SDCCAG8: variants seen among roughly 807,000 people sequenced by gnomAD.
SDCCAG8 encodes the protein SHH signaling and ciliogenesis regulator SDCCAG8.
Under a neutral mutation model 101.8 loss-of-function variants are expected in SDCCAG8, and 74 were observed. The observed-to-expected ratio is 0.73, with a 90% CI of 0.60 to 0.88. The LOEUF (loss-of-function observed/expected upper bound fraction) is 0.88. Ranked by LOEUF, SDCCAG8 falls within the 40% of genes least tolerant of loss-of-function variation. The pLI, the probability that SDCCAG8 is intolerant of heterozygous loss-of-function variation, is 0.00. For synonymous variants in SDCCAG8, 281 were observed against 292.9 expected (o/e 0.96, Z 0.41); for missense variants, 787 against 822.6 (o/e 0.96, Z 0.53).
At chr1:243,268,544 A>G (rs2067819397) in intron 1 of SDCCAG8, among the ~76,000 whole-genome samples, 2 of 152,218 alleles carry the variant, frequency 1.3e-5, no homozygotes, top group Admixed American at 6.5e-5. Context: ...ATGGTGATAA[A>G]TTAACTGTGT....
intron 9 of SDCCAG8, among the ~76,000 whole-genome samples, chr1:243,318,230 A>C (rs2149333469): frequency 1.3e-5 from 2 of 152,362 alleles, no homozygotes; most frequent in Middle Eastern, 3.4e-3. Context: ...GGAGACAGTT[A>C]TCCTTAGCAA....
At chr1:243,401,576 C>T (rs1448083729) in intron 13 of SDCCAG8, among the ~76,000 whole-genome samples, 1 of 152,200 alleles carries the variant, frequency 6.6e-6, no homozygotes, top group Non-Finnish European at 1.5e-5. Flanking sequence ...TTTACATTCA[C>T]TTATTAGGAA....
chr1:243,458,327 C>T lies in SDCCAG8; in HGVS notation c.1986-30687C>T, dbSNP rs1469068756. On this transcript the variant is annotated intron_variant, in intron 16 of 17. Transcript: ENST00000366541. This position sits in a 1 kb window ranked among gnomAD's most constrained non-coding sequence, Gnocchi z 4.5. ...TGACAGCACCGAATGTTGTGTTAAG[C>T]TTCTTGCTACCATGTAAAAATTTCC... Among the ~76,000 whole-genome samples the T allele has an allele frequency of 6.6e-6, 1 of 152,062 alleles. No homozygotes were observed. The highest frequency in any genetic ancestry group is 2.4e-5 in the African/African-American group (1 of 41,392).
chr1:243,283,247 G>T (rs2069232533), intron 4 of SDCCAG8, among the ~76,000 whole-genome samples: 1 of 151,794 alleles, frequency 6.6e-6, no homozygotes, highest in Admixed American at 6.6e-5. Flanking sequence ...ATATTCCTCA[G>T]TGTATTTTTG....
intron 12 of SDCCAG8, among the ~76,000 whole-genome samples, chr1:243,378,230 A>G (rs2077716074): frequency 6.6e-6 from 1 of 150,946 alleles, no homozygotes; most frequent in Non-Finnish European, 1.5e-5. Flanking sequence ...TAATCATGCC[A>G]TTTTTTACAC....
Position 243,271,009 on chromosome 1 carries a change from A to T in SDCCAG8, c.252A>T (p.Gln84His). ...VNQLKDLLRQ[Q>H]ADKESEVSPS... ...AGCTCAAAGATTTGTTGCGCCAACA[A>T]GCAGATAAGGAAAGTGAAGTATCTC... Residue 84 changes from glutamine to histidine, a missense_variant, in exon 3 of 18, where the codon CAA becomes CAT. Coordinates refer to ENST00000366541, the MANE Select transcript of SDCCAG8 (RefSeq NM_006642.5). 1 of 1,613,742 alleles carries T rather than the reference A, an allele frequency of 6.2e-7. No individual in the cohort carries two copies. Among genetic ancestry groups the T allele is most frequent in the Non-Finnish European group, 8.5e-7 (1 of 1,179,752 alleles).
chr1:243,474,785 G>A lies in SDCCAG8; in HGVS notation c.1986-14229G>A, dbSNP rs1380400885. Among the ~76,000 whole-genome samples, 2 of 152,262 alleles carry A rather than the reference G, an allele frequency of 1.3e-5. No homozygotes were observed. The highest frequency in any genetic ancestry group is 2.9e-5 in the Non-Finnish European group (2 of 68,048). On this transcript the variant is annotated intron_variant, in intron 16 of 17. Transcript: ENST00000366541. The surrounding 1 kb of genome is among the most constrained non-coding windows in gnomAD (Gnocchi z 4.7). ...AGATGCGCTCCTCCTCGGACTGGTT[G>A]AGTAAGGGAGGAGGCTCGTCCTGAA...
At chr1:243,401,524 A>G (rs1202554936) in intron 13 of SDCCAG8, among the ~76,000 whole-genome samples, 1 of 152,244 alleles carries the variant, frequency 6.6e-6, no homozygotes, top group Admixed American at 6.5e-5. Flanking sequence ...CCATTTAAAA[A>G]TTATAGAAAC....
At chr1:243,283,398 T>C (rs1224043618) in intron 4 of SDCCAG8, among the ~76,000 whole-genome samples, 2 of 59,246 alleles carry the variant, frequency 3.4e-5, no homozygotes, top group Non-Finnish European at 1.1e-4. Flanking sequence ...TGTCCCTGTT[T>C]ATTTATATAT....
intron 16 of SDCCAG8, among the ~76,000 whole-genome samples, chr1:243,454,073 G>A (rs2083559183): frequency 6.6e-6 from 1 of 152,038 alleles, no homozygotes; most frequent in African/African-American, 2.4e-5. Context: ...ACCTAGCTCA[G>A]ATTTTTGCCT....
chr1:243,293,978 AGAATTTCT>A (rs2070535651), intron 6 of SDCCAG8, among the ~76,000 whole-genome samples: 2 of 152,102 alleles, frequency 1.3e-5, no homozygotes, highest in African/African-American at 4.8e-5. Flanking sequence ...TTTTAGCTCC[AGAATTTCT>A]GTTTGGTTCC....
At chr1:243,428,101 G>A (rs1219011513) in intron 16 of SDCCAG8, among the ~76,000 whole-genome samples, 1 of 152,206 alleles carries the variant, frequency 6.6e-6, no homozygotes, top group Non-Finnish European at 1.5e-5. Flanking sequence ...TTACATTTGT[G>A]TATTGCTTTA....
At chr1:243,443,075 A>G (rs765792924) in intron 16 of SDCCAG8, among the ~76,000 whole-genome samples, 155 of 152,338 alleles carry the variant, frequency 1.0e-3, no homozygotes, top group Non-Finnish European at 1.1e-3. Flanking sequence ...CATTAAACAA[A>G]TCTTTCATAT....
At chr1:243,356,181 C>T (rs922124041) in intron 12 of SDCCAG8, among the ~76,000 whole-genome samples, 12 of 152,200 alleles carry the variant, frequency 7.9e-5, no homozygotes, top group Non-Finnish European at 1.6e-4. Context: ...CTAACGAATA[C>T]ATCAAATATC....
chr1:243,453,498 C>G (rs1339191205), intron 16 of SDCCAG8, among the ~76,000 whole-genome samples: 1 of 151,972 alleles, frequency 6.6e-6, no homozygotes, highest in African/African-American at 2.4e-5. Flanking sequence ...AGGCTGATGT[C>G]TCAATGTAAC....
intron 13 of SDCCAG8, among the ~76,000 whole-genome samples, chr1:243,403,758 C>T (rs1017439127): frequency 3.3e-4 from 50 of 152,156 alleles, no homozygotes; most frequent in African/African-American, 1.2e-3. Flanking sequence ...CCCGTCACCC[C>T]CTGATGGAAC....
At chr1:243,459,321 T>C (rs904262665) in intron 16 of SDCCAG8, among the ~76,000 whole-genome samples, 1 of 152,210 alleles carries the variant, frequency 6.6e-6, no homozygotes, top group Non-Finnish European at 1.5e-5. Flanking sequence ...ACTCGAAAGC[T>C]TGTGCTCTCA....
At chr1:243,447,198 G>A (rs1341345742) in intron 16 of SDCCAG8, among the ~76,000 whole-genome samples, 3 of 125,226 alleles carry the variant, frequency 2.4e-5, no homozygotes, top group Admixed American at 1.1e-4. Context: ...GCAGTGAGCC[G>A]AGATCGCGCC....
chr1:243,291,617 G>C (rs2070278451), intron 5 of SDCCAG8, among the ~76,000 whole-genome samples: 2 of 152,206 alleles, frequency 1.3e-5, no homozygotes, highest in Admixed American at 1.3e-4. Flanking sequence ...TGGAAAGGCA[G>C]AAGATCGTAA....
Sources: gnomAD v4.1 joint callset for allele counts (sites outside exome capture counted in the v4.1 genomes callset) on GRCh38, gnomAD v4.1.1 for gene constraint, Gnocchi (gnomAD v3.1) non-coding constraint, MANE v1.5 for transcripts, NCBI Gene and HGNC (gene_info 2026-07-23, HGNC 2026-07-21) for gene names.